The following CCDC102B variants were observed in gnomAD, a reference collection of about 807,000 sequenced individuals.
The protein encoded by CCDC102B is coiled-coil domain containing 102B.
CCDC102B carries 75 observed loss-of-function variants against 57.4 expected under a neutral mutation model. The ratio of observed to expected loss-of-function variants is 1.31; its 90% confidence interval spans 1.08 to 1.58. The LOEUF (loss-of-function observed/expected upper bound fraction) is 1.58, where lower values mean the gene tolerates loss of function less well. Among genes scored for constraint, CCDC102B ranks in the 40% most tolerant of loss-of-function variants. The pLI, the probability that CCDC102B is intolerant of heterozygous loss-of-function variation, is 0.00. For synonymous variants in CCDC102B, 206 were observed against 201.9 expected, an observed-to-expected ratio of 1.02 and a Z score of -0.17; for missense variants, 636 against 582.6, an observed-to-expected ratio of 1.09 and a Z score of -0.94.
intron 7 of CCDC102B, among the ~76,000 whole-genome samples, chr18:69,022,317 CAT>C (rs554233469): frequency 8.0e-4 from 118 of 147,456 alleles, no homozygotes; most frequent in East Asian, 5.7e-3. Context: ...ATATATGGGC[CAT>C]ATATATATGT....
At chr18:68,998,179 G>T (rs1689408032) in intron 6 of CCDC102B, among the ~76,000 whole-genome samples, 1 of 151,118 alleles carries the variant, frequency 6.6e-6, no homozygotes, top group African/African-American at 2.4e-5. Flanking sequence ...TTTAATGAGG[G>T]TATTTTGTTT....
At chr18:68,749,302 A>G (rs1264675225) in intron 2 of CCDC102B, among the ~76,000 whole-genome samples, 2 of 151,914 alleles carry the variant, frequency 1.3e-5, no homozygotes, top group Non-Finnish European at 2.9e-5. Flanking sequence ...GTTTTTTCCA[A>G]TACTGTGAAG....
intron 1 of CCDC102B, among the ~76,000 whole-genome samples, chr18:68,802,328 A>G (rs1355395758): frequency 6.6e-6 from 1 of 152,200 alleles, no homozygotes; most frequent in East Asian, 1.9e-4. Context: ...TTCTTTTTGT[A>G]ATAATGAAAC....
chr18:68,745,952 G>C (rs2033602749), intron 2 of CCDC102B, among the ~76,000 whole-genome samples: 1 of 152,054 alleles, frequency 6.6e-6, no homozygotes, highest in Non-Finnish European at 1.5e-5. Context: ...GGTGGGGATG[G>C]GGGGTACCAT....
At position 68,840,713 on chromosome 18, in the gene CCDC102B, A is replaced by G. The variant is rs77948297; in HGVS notation, c.827+1787A>G. Among the ~76,000 whole-genome samples, 1,351 of 152,236 alleles carry G rather than the reference A, an allele frequency of 8.9e-3. 22 individuals are homozygous for G. Among genetic ancestry groups the G allele is most frequent in the African/African-American group, 0.031 (1,281 of 41,530 alleles). ...TAGACTTCTCTCCAGCCCACATACA[A>G]TATTACTTCCCCAGTGCAGTCTAAT... On this transcript the variant is annotated intron_variant, in intron 3 of 7. Coordinates refer to ENST00000360242, the MANE Select transcript of CCDC102B (RefSeq NM_024781.3).
intron 4 of CCDC102B, among the ~76,000 whole-genome samples, chr18:68,847,126 CTA>C (rs987117060): frequency 2.6e-5 from 4 of 151,686 alleles, no homozygotes; most frequent in African/African-American, 9.7e-5. Context: ...AAAATAATGA[CTA>C]TTTTTACATG....
At chr18:68,784,331 C>T (rs954253223) in intron 2 of CCDC102B, among the ~76,000 whole-genome samples, 1 of 152,036 alleles carries the variant, frequency 6.6e-6, no homozygotes, top group African/African-American at 2.4e-5. Context: ...AAGTGACACA[C>T]ATTTTTAAAC....
intron 6 of CCDC102B, among the ~76,000 whole-genome samples, chr18:68,973,108 G>A (rs916702130): frequency 6.6e-6 from 1 of 152,100 alleles, no homozygotes; most frequent in African/African-American, 2.4e-5. Flanking sequence ...GCTACAGTAT[G>A]CATGGAGGTC....
intron 6 of CCDC102B, among the ~76,000 whole-genome samples, chr18:68,992,331 C>T (rs2050891269): frequency 6.6e-6 from 1 of 152,154 alleles, no homozygotes; most frequent in Admixed American, 6.5e-5. Flanking sequence ...AATGCATTGA[C>T]ATTGAGCTCA....
chr18:68,890,791 T>G (rs1330854662), intron 5 of CCDC102B, among the ~76,000 whole-genome samples: 1 of 152,218 alleles, frequency 6.6e-6, no homozygotes, highest in Non-Finnish European at 1.5e-5. Context: ...TTTTTATCTT[T>G]TATGTAGTAA....
chr18:68,913,001 A>G (rs1176764171), intron 6 of CCDC102B, among the ~76,000 whole-genome samples: 2 of 151,792 alleles, frequency 1.3e-5, no homozygotes, highest in African/African-American at 4.8e-5. Context: ...AGCTTATTGT[A>G]CTCTTTCTAG....
chr18:69,024,964 T>G (rs912787762), intron 7 of CCDC102B, among the ~76,000 whole-genome samples: 4 of 152,102 alleles, frequency 2.6e-5, no homozygotes, highest in South Asian at 2.1e-4. Context: ...ACAACTTGCA[T>G]AATCAGATCA....
intron 6 of CCDC102B, among the ~76,000 whole-genome samples, chr18:68,910,062 G>GTCA (rs1300846372): frequency 1.2e-4 from 19 of 152,176 alleles, no homozygotes; most frequent in African/African-American, 4.1e-4. Context: ...GGATGAGGAG[G>GTCA]AGGATCATTT....
intron 1 of CCDC102B, among the ~76,000 whole-genome samples, chr18:68,820,160 A>C (rs2036638146): frequency 6.6e-6 from 1 of 152,138 alleles, no homozygotes. Context: ...TAAAGCTATC[A>C]ATAATTCAAA....
intron 7 of CCDC102B, among the ~76,000 whole-genome samples, chr18:69,035,805 A>G (rs1226832128): frequency 1.3e-5 from 2 of 152,140 alleles, no homozygotes; most frequent in African/African-American, 2.4e-5. Context: ...GCAAATTGCC[A>G]TGGATGCTTA....
intron 3 of CCDC102B, among the ~76,000 whole-genome samples, chr18:68,843,654 A>G (rs1363660707): frequency 1.3e-5 from 2 of 152,018 alleles, no homozygotes; most frequent in Non-Finnish European, 2.9e-5. Flanking sequence ...AAGATACGAC[A>G]TTTTTGCTGA....
At chr18:68,725,197 A>G (rs2032539015) in intron 2 of CCDC102B, among the ~76,000 whole-genome samples, 1 of 152,246 alleles carries the variant, frequency 6.6e-6, no homozygotes, top group African/African-American at 2.4e-5. Context: ...TATGGGGATT[A>G]TAATTCAGTG....
At chr18:68,974,175 C>A (rs1040890055) in intron 6 of CCDC102B, among the ~76,000 whole-genome samples, 2 of 152,006 alleles carry the variant, frequency 1.3e-5, no homozygotes, top group Admixed American at 6.6e-5. Flanking sequence ...CTTATGGGAG[C>A]TATTCAGGTC....
At chr18:68,979,930 T>C (rs910999227) in intron 6 of CCDC102B, among the ~76,000 whole-genome samples, 2 of 152,050 alleles carry the variant, frequency 1.3e-5, no homozygotes, top group African/African-American at 4.8e-5. Flanking sequence ...CTCCTGAGAC[T>C]TGGAAGGCAG....
Sources: gnomAD v4.1 joint callset for allele counts (sites outside exome capture counted in the v4.1 genomes callset) on GRCh38, gnomAD v4.1.1 for gene constraint, MANE v1.5 for transcripts, NCBI Gene and HGNC (gene_info 2026-07-23, HGNC 2026-07-21) for gene names.